The following TPTE2 variants were observed in gnomAD, a reference collection of about 807,000 sequenced individuals.
The protein encoded by TPTE2 is transmembrane phosphoinositide 3-phosphatase and tensin homolog 2.
TPTE2 carries 53 observed loss-of-function variants against 78.6 expected under a neutral mutation model. The observed-to-expected ratio is 0.67, with a 90% CI of 0.54 to 0.85. The LOEUF (loss-of-function observed/expected upper bound fraction) is 0.85. Ranked by LOEUF, TPTE2 falls within the 40% of genes least tolerant of loss-of-function variation. The pLI is 0.00. For synonymous variants in TPTE2, 175 were observed against 206.2 expected, an observed-to-expected ratio of 0.85 and a Z score of 1.30; for missense variants, 461 against 623.0, an observed-to-expected ratio of 0.74 and a Z score of 2.77.
At chr13:19,504,651 A>G, upstream of TPTE2, among the ~76,000 whole-genome samples, 1 of 152,090 alleles carries the variant, frequency 6.6e-6, no homozygotes, top group Non-Finnish European at 1.5e-5. Flanking sequence ...CAAGACAATA[A>G]CAAGAAGTTT....
chr13:19,428,560 C>G (rs2137465189), intron 17 of TPTE2, among the ~76,000 whole-genome samples: 1 of 152,130 alleles, frequency 6.6e-6, no homozygotes, highest in Non-Finnish European at 1.5e-5. Context: ...GGTGGACAGG[C>G]TGCTTGAGCC....
the TPTE2 span, among the ~76,000 whole-genome samples, chr13:19,545,508 C>T: frequency 2.6e-5 from 4 of 152,280 alleles, no homozygotes; most frequent in East Asian, 7.7e-4. Flanking sequence ...GGTGAGACAG[C>T]CCCCTCACCC....
At chr13:19,430,219 T>C (rs1876456047) in intron 17 of TPTE2, among the ~76,000 whole-genome samples, 1 of 152,234 alleles carries the variant, frequency 6.6e-6, no homozygotes, top group African/African-American at 2.4e-5. Context: ...TTTGTGGAAG[T>C]GTGAAAGGCA....
chr13:19,499,370 C>G (rs2137663013), intron 1 of TPTE2, among the ~76,000 whole-genome samples: 1 of 151,910 alleles, frequency 6.6e-6, no homozygotes, highest in South Asian at 2.1e-4. Context: ...CACACCACAC[C>G]TATTCCAAAA....
intron 1 of TPTE2, among the ~76,000 whole-genome samples, chr13:19,496,271 A>T (rs888964396): frequency 6.6e-6 from 1 of 152,256 alleles, no homozygotes; most frequent in African/African-American, 2.4e-5. Flanking sequence ...ATCATACTTT[A>T]TATGACTGCA....
the TPTE2 span, chr13:19,561,086 C>G: frequency 1.3e-5 from 20 of 1,599,046 alleles, no homozygotes; most frequent in Non-Finnish European, 1.5e-5. Context: ...AGGCCCAGCC[C>G]CCTCCCCATC....
rs556822834 is a variant in TPTE2, at chr13:19,511,326, T to C, written c.-43-8049A>G. Among the ~76,000 whole-genome samples, 8 of 152,238 alleles carry C rather than the reference T, an allele frequency of 5.3e-5. No homozygotes were observed. In the East Asian group the frequency reaches 1.4e-3, roughly 26 times the overall value. ...GTTACTAAGCAAAAAACTAACAAAA[T>C]GAGATACAACTTAATACCATTTAAG... On this transcript the variant is annotated intron_variant, in intron 1 of 17. Transcript: ENST00000390680.
intron 1 of TPTE2, among the ~76,000 whole-genome samples, chr13:19,510,070 A>T (rs187471076): frequency 0.025 from 3,860 of 152,304 alleles, 131 homozygotes; most frequent in African/African-American, 0.075. Flanking sequence ...TAAGGCAAAA[A>T]GTTCTGTCAT....
rs573664223 is a variant in TPTE2, at chr13:19,486,944, G to C, written c.120-4397C>G. Among the ~76,000 whole-genome samples the C allele has an allele frequency of 1.6e-4, 25 of 152,184 alleles. No individual in the cohort carries two copies. The highest frequency in any genetic ancestry group is 3.4e-4 in the Non-Finnish European group (23 of 68,026). The stretch of plus-strand genomic sequence containing the variant: ...CAGGATGTGGACACGAGGCTGCTCG[G>C]CTGGCCTAGGGGCATGTCTTCTGGA... On this transcript the variant is annotated intron_variant, in intron 3 of 19. Transcript: ENST00000400230. The surrounding 1 kb of genome is among the most constrained non-coding windows in gnomAD (Gnocchi z 4.3).
intron 6 of TPTE2, among the ~76,000 whole-genome samples, chr13:19,473,278 T>C (rs919469483): frequency 2.0e-5 from 3 of 152,214 alleles, no homozygotes; most frequent in African/African-American, 4.8e-5. Flanking sequence ...GCCAGGCCTG[T>C]GTCCTTCCCT....
intron 13 of TPTE2, 120 bp from the exon 17 acceptor site, chr13:19,438,273 G>A (rs1011495146): frequency 3.6e-6 from 5 of 1,384,408 alleles, no homozygotes; most frequent in African/African-American, 1.5e-5. Flanking sequence ...GTCTTGCTGT[G>A]TCACGCAGGC....
chr13:19,425,686 C>G, intron 18 of TPTE2: 1 of 511,780 alleles, frequency 2.0e-6, no homozygotes, highest in Non-Finnish European at 3.9e-6. Context: ...CCTCAGGAAA[C>G]CTGCTCAGGT....
Position 19,521,492 on chromosome 13 carries a change from C to T in TPTE2, c.-44+15104G>A, listed in dbSNP as rs376407862. 4.9e-4 allele frequency among the ~76,000 whole-genome samples: 74 copies of T among 152,082 alleles called. 2 individuals are homozygous for T. The East Asian group carries it at 0.011, about 23-fold the overall frequency. ...TCTAAAACAAGTCTCTTATAGACAG[C>T]ATAGAGTAGGATCATGTCCTTTAAT... On this transcript the variant is annotated intron_variant, in intron 1 of 17. Transcript: ENST00000390680.
intron 4 of TPTE2, among the ~76,000 whole-genome samples, chr13:19,481,152 T>C (rs138317193): frequency 6.6e-6 from 1 of 152,358 alleles, no homozygotes; most frequent in Non-Finnish European, 1.5e-5. Context: ...TAGAAGTGCA[T>C]GCATCAAAGT....
At chr13:19,448,068 T>G (rs1313497006) in intron 13 of TPTE2, among the ~76,000 whole-genome samples, 1 of 152,126 alleles carries the variant, frequency 6.6e-6, no homozygotes, top group African/African-American at 2.4e-5. Flanking sequence ...GTGCCAAGAA[T>G]CCAAGATGGG....
the TPTE2 span, among the ~76,000 whole-genome samples, chr13:19,547,716 TATAC>T: frequency 0.021 from 2,564 of 120,700 alleles, 119 homozygotes; most frequent in Middle Eastern, 0.043. Flanking sequence ...AAGTAATAAA[TATAC>T]ATATATATAT....
intron 1 of TPTE2, among the ~76,000 whole-genome samples, chr13:19,528,219 T>A (rs1593421672): frequency 6.7e-6 from 1 of 149,756 alleles, no homozygotes; most frequent in East Asian, 2.0e-4. Context: ...CCTTCTCTAC[T>A]AAAAAAAAAT....
chr13:19,424,723 C>G (rs371396235), intron 19 of TPTE2, among the ~76,000 whole-genome samples: 1 of 151,762 alleles, frequency 6.6e-6, no homozygotes, highest in South Asian at 2.1e-4. Flanking sequence ...ATAACACAGT[C>G]CTATGGCATG....
At chr13:19,426,105 G>T (rs989788321) in intron 18 of TPTE2, among the ~76,000 whole-genome samples, 3 of 140,860 alleles carry the variant, frequency 2.1e-5, no homozygotes, top group African/African-American at 7.7e-5. Context: ...TGTAATCATT[G>T]CTATGCAGTA....
Sources: gnomAD v4.1 joint callset for allele counts (sites outside exome capture counted in the v4.1 genomes callset) on GRCh38, gnomAD v4.1.1 for gene constraint, Gnocchi (gnomAD v3.1) non-coding constraint, MANE v1.5 for transcripts, NCBI Gene and HGNC (gene_info 2026-07-23, HGNC 2026-07-21) for gene names.